Variants in ASB15 observed in about 807,000 individuals in gnomAD.
The protein encoded by ASB15 is ankyrin repeat and SOCS box containing 15.
A neutral mutation model predicts 58.0 loss-of-function variants in ASB15; 54 were observed. That is an observed-to-expected ratio of 0.93 (90% CI 0.75 to 1.17). The LOEUF is 1.17. Among genes scored for constraint, ASB15 ranks in the 50% most tolerant of loss-of-function variants. The probability of loss-of-function intolerance (pLI) is 0.00; values close to 1 mark genes in which losing one functional copy is unlikely to be tolerated. For synonymous variants in ASB15, 249 were observed against 262.4 expected, an observed-to-expected ratio of 0.95 and a Z score of 0.50; for missense variants, 680 against 707.4, an observed-to-expected ratio of 0.96 and a Z score of 0.44.
In ASB15 at chr7:123,622,696, C is replaced by A. The variant is rs375014154; in HGVS notation, c.452-1873C>A. On this transcript the variant is annotated intron_variant, in intron 7 of 11. Transcript: ENST00000451215. ...CTAATTATAAAAACTGCCATCAGAG[C>A]AAGAAGATCCATGAGGACACATTTC... 348 of 152,162 alleles carry A rather than the reference C, an allele frequency of 2.3e-3. 1 individual carries two copies. Among genetic ancestry groups the A allele is most frequent in the African/African-American group, 8.0e-3 (333 of 41,524 alleles). 9.4% of individuals were successfully genotyped at this position (152,162 alleles called of 1,614,324 possible).
intron 1 of ASB15, among the ~76,000 whole-genome samples, chr7:123,569,415 A>T (rs1798844759): frequency 6.6e-6 from 1 of 152,234 alleles, no homozygotes; most frequent in Non-Finnish European, 1.5e-5. Flanking sequence ...AAAAAAGGCC[A>T]ACATAATATT....
chr7:123,571,872 C>T (rs1798916242), intron 1 of ASB15, among the ~76,000 whole-genome samples: 1 of 152,110 alleles, frequency 6.6e-6, no homozygotes, highest in Non-Finnish European at 1.5e-5. Flanking sequence ...CCGAGTGATC[C>T]TCCTGTTTCA....
At chr7:123,604,648 T>C (rs1007270580) in intron 2 of ASB15, among the ~76,000 whole-genome samples, 1 of 151,978 alleles carries the variant, frequency 6.6e-6, no homozygotes, top group Admixed American at 6.6e-5. Context: ...CCTGACACTT[T>C]GATGTTCAAA....
Position 123,620,136 on chromosome 7 carries a change from G to A in ASB15, c.451+2399G>A, listed in dbSNP as rs1801141188. 2.6e-5 allele frequency: 4 copies of A among 152,050 alleles called. No individual in the cohort carries two copies. In the South Asian group the frequency reaches 8.3e-4, roughly 32 times the overall value. The allele number at this position is 152,050 out of a possible 1,614,324, so 9.4% of individuals were successfully genotyped here. A position where few individuals can be genotyped will look rare whatever the true frequency, so the allele number is the denominator to read the frequency against. ...GGACTAAAGAGGAAGCCCTAGGCAAGCATCTTCAATTTAAAAAGATGACCG... is the reference window on the plus strand; with the variant it reads ...GGACTAAAGAGGAAGCCCTAGGCAAACATCTTCAATTTAAAAAGATGACCG... On this transcript the variant is annotated intron_variant, in intron 7 of 11. Coordinates refer to ENST00000451215, the MANE Select transcript of ASB15 (RefSeq NM_001290258.2).
chr7:123,608,762 C>T (rs1016225181), intron 3 of ASB15, 108 bp downstream of exon 3: 10 of 152,116 alleles, frequency 6.6e-5, no homozygotes, highest in Admixed American at 5.9e-4. Context: ...ATCATCCTAA[C>T]GAATCCATTC....
At chr7:123,619,205 AAGT>A in intron 7 of ASB15, among the ~76,000 whole-genome samples, 1 of 146,822 alleles carries the variant, frequency 6.8e-6, no homozygotes, top group South Asian at 2.2e-4. Context: ...AAAAAAAAAG[AAGT>A]CACATTAAGC....
At chr7:123,636,000 T>G (rs1056764520) in intron 11 of ASB15, among the ~76,000 whole-genome samples, 1 of 152,182 alleles carries the variant, frequency 6.6e-6, no homozygotes, top group Non-Finnish European at 1.5e-5. Context: ...AGCACTTTTC[T>G]AATACTTTAC....
At chr7:123,612,569 G>C (rs12706542) in intron 3 of ASB15, among the ~76,000 whole-genome samples, 20,687 of 152,046 alleles carry the variant, frequency 0.14, 1,479 homozygotes, top group South Asian at 0.19. Context: ...CCTTAACACA[G>C]TGCGAGCCAT....
chr7:123,630,995 C>T (rs1289596233), intron 11 of ASB15, among the ~76,000 whole-genome samples: 1 of 152,058 alleles, frequency 6.6e-6, no homozygotes, highest in Non-Finnish European at 1.5e-5. Flanking sequence ...GTCAGATAGA[C>T]CTAGAATGAA....
rs974093352 is a variant in ASB15 at position 123,638,860 on chromosome 7, T to A, written c.*1879T>A. 1 of 152,238 alleles carries A rather than the reference T, an allele frequency of 6.6e-6. No homozygotes were observed. The highest frequency in any genetic ancestry group is 2.4e-5 in the African/African-American group (1 of 41,460). The allele number at this position is 152,238 out of a possible 1,614,324, so 9.4% of individuals were successfully genotyped here. On this transcript the variant is annotated 3_prime_UTR_variant, in exon 12 of 12. Coordinates refer to ENST00000451215, the MANE Select transcript of ASB15 (RefSeq NM_001290258.2). ...TATTATAGATGCCTGTGTTCCCTGCTGTCTTCCCACTAGACTATAAGCTCT... is the reference window on the plus strand; with the variant it reads ...TATTATAGATGCCTGTGTTCCCTGCAGTCTTCCCACTAGACTATAAGCTCT...
At chr7:123,571,155 T>C (rs1311247592) in intron 1 of ASB15, among the ~76,000 whole-genome samples, 6 of 152,284 alleles carry the variant, frequency 3.9e-5, no homozygotes, top group Non-Finnish European at 8.8e-5. Context: ...CAAATACAAT[T>C]GAGAAGCACC....
chr7:123,606,836 T>G (rs991729078), intron 2 of ASB15, among the ~76,000 whole-genome samples: 2 of 152,208 alleles, frequency 1.3e-5, no homozygotes, highest in Non-Finnish European at 2.9e-5. Flanking sequence ...CACATTTTCT[T>G]CATTTATTCA....
intron 8 of ASB15, among the ~76,000 whole-genome samples, chr7:123,626,832 G>A (rs1319490462): frequency 6.6e-6 from 1 of 152,048 alleles, no homozygotes; most frequent in Non-Finnish European, 1.5e-5. Context: ...CCACCTCCCA[G>A]GTTCAAATGA....
chr7:123,632,041 G>A (rs1223342321), intron 11 of ASB15, among the ~76,000 whole-genome samples: 1 of 151,980 alleles, frequency 6.6e-6, no homozygotes, highest in Non-Finnish European at 1.5e-5. Context: ...TCGCCCCACT[G>A]CACTCCAGCC....
chr7:123,592,968 T>A (rs1293181345), intron 1 of ASB15, among the ~76,000 whole-genome samples: 1 of 152,166 alleles, frequency 6.6e-6, no homozygotes, highest in African/African-American at 2.4e-5. Context: ...ATTGGGTGCA[T>A]ATATATTTAG....
At chr7:123,608,496 GTT>G (rs1800262163) in intron 2 of ASB15, 96 bp from the exon 3 acceptor site, 1 of 152,036 alleles carries the variant, frequency 6.6e-6, no homozygotes, top group African/African-American at 2.4e-5. Flanking sequence ...GACTAAGATT[GTT>G]TGTGTGTGTG....
At chr7:123,572,398 G>A (rs368758711) in intron 1 of ASB15, among the ~76,000 whole-genome samples, 25 of 151,560 alleles carry the variant, frequency 1.6e-4, no homozygotes, top group African/African-American at 4.8e-4. Flanking sequence ...CTCAGCCTCC[G>A]AAAGTACTGG....
At chr7:123,635,153 A>G (rs959414712) in intron 11 of ASB15, among the ~76,000 whole-genome samples, 5 of 152,216 alleles carry the variant, frequency 3.3e-5, no homozygotes, top group Admixed American at 2.0e-4. Context: ...TTAGATGATG[A>G]AACTCTAAAG....
chr7:123,596,107 A>G (rs1250837813), intron 1 of ASB15, among the ~76,000 whole-genome samples: 6 of 152,172 alleles, frequency 3.9e-5, no homozygotes, highest in African/African-American at 1.4e-4. Flanking sequence ...ATCTAAAACT[A>G]GCATAAATCA....
Sources: allele counts gnomAD v4.1 joint callset (sites outside exome capture counted in the v4.1 genomes callset), GRCh38; gene constraint gnomAD v4.1.1; transcripts MANE v1.5; gene names NCBI Gene and HGNC (gene_info 2026-07-23, HGNC 2026-07-21).